KRT36: variants seen among roughly 807,000 people sequenced by gnomAD.
The protein encoded by KRT36 is keratin 36, also known as keratin, type I cuticular Ha6.
Under a neutral mutation model 43.0 loss-of-function variants are expected in KRT36, and 41 were observed. The ratio of observed to expected loss-of-function variants is 0.95; its 90% CI spans 0.74 to 1.24. The LOEUF is 1.24. Among genes scored for constraint, KRT36 ranks in the 50% most tolerant of loss-of-function variants. KRT36 has a pLI of 0.00. For synonymous variants in KRT36, 277 were observed against 252.9 expected (o/e 1.10, Z -0.90); for missense variants, 627 against 595.3 (o/e 1.05, Z -0.55).
rs1450035482 is a variant in KRT36, at chr17:41,489,451, T to C, written c.414A>G (p.Pro138=). The change falls in exon 1 of 7, where the codon CCA becomes CCG. Residue 138 remains proline (P), a synonymous_variant. Coordinates refer to ENST00000328119, the MANE Select transcript of KRT36 (RefSeq NM_003771.5). ...TGGTCTTGAAGTAGGACTGGTAGTC[T>C]GGGCAGATGTATGGGATCTGAAACT... ...WYEFQIPYIC[P]DYQSYFKTIE... is the part of the protein sequence containing the mutation. 1 of 1,614,122 alleles carries C rather than the reference T, an allele frequency of 6.2e-7. No homozygotes were observed. Among genetic ancestry groups the C allele is most frequent in the Admixed American group, 1.7e-5 (1 of 60,014 alleles).
chr17:41,487,963 A>G (rs1857711471), intron 3 of KRT36, among the ~76,000 whole-genome samples: 1 of 152,228 alleles, frequency 6.6e-6, no homozygotes, highest in African/African-American at 2.4e-5. Context: ...TGCTGTTATC[A>G]GGCACTAGAG....
At chr17:41,488,592 C>G (rs759438814) in intron 2 of KRT36, 50 bp downstream of exon 2, 2 of 1,578,980 alleles carry the variant, frequency 1.3e-6, no homozygotes, top group Admixed American at 1.7e-5. Flanking sequence ...AGGCAGGGGA[C>G]AGAGGCAAGG....
In KRT36 at chr17:41,488,298, G is replaced by A. The variant is rs770401755; in HGVS notation, c.644C>T (p.Ala215Val). The A allele has an allele frequency of 1.2e-6, 2 of 1,614,114 alleles. No homozygotes were observed. The highest frequency in any genetic ancestry group is 1.7e-6 in the Non-Finnish European group (2 of 1,179,986). ...CTCCTCCTTCAGGGACTCCACCTGA[G>A]CCTCCAGGTCAGCCTTGCACAGGGT... ...ELTLCKADLE[A>V]QVESLKEELM... Residue 215 changes from alanine (A) to valine (V), a missense_variant, in exon 3 of 7, where the codon GCT (alanine) becomes GTT (valine). By Grantham distance (64) the Ala-to-Val change is moderately conservative (BLOSUM62 0). Coordinates refer to ENST00000328119, the MANE Select transcript of KRT36 (RefSeq NM_003771.5).
chr17:41,488,554 G>A (rs1904470886), intron 2 of KRT36, 88 bp downstream of exon 2: 3 of 1,520,886 alleles, frequency 2.0e-6, no homozygotes, highest in South Asian at 1.1e-5. Flanking sequence ...TTCCCATCCA[G>A]CCTTATTCCC....
In KRT36 at chr17:41,489,887, A is replaced by C. The variant is rs1438073609; in HGVS notation, c.-23T>G. The C allele has an allele frequency of 6.3e-7, 1 of 1,593,156 alleles. No homozygotes were observed. The highest frequency in any genetic ancestry group is 8.6e-7 in the Non-Finnish European group (1 of 1,164,342). On this transcript the variant is annotated 5_prime_UTR_variant, in exon 1 of 7. Transcript: ENST00000328119. ...CATGGTGCTAGCAGAGGAAGGTTGCAGCTTAGCAAGGAGCTCAGGTTCTGG... is the reference window on the plus strand; with the variant it reads ...CATGGTGCTAGCAGAGGAAGGTTGCCGCTTAGCAAGGAGCTCAGGTTCTGG...
In KRT36 at chr17:41,487,420, C is replaced by G; in HGVS notation, c.918G>C (p.Gln306His). 1 of 1,614,060 alleles carries G rather than the reference C, an allele frequency of 6.2e-7. No homozygotes were observed. ...VSSSEQLQCC[Q>H]TEIIELRRTV... ...TACGTCTCAGCTCGATGATCTCCGT[C>G]TGGCAGCACTGCAGCTGCTCCGAGC... The change falls in exon 5 of 7, where the codon CAG becomes CAC. Residue 306 changes from glutamine (Q) to histidine (H), a missense_variant. Coordinates refer to ENST00000328119, the MANE Select transcript of KRT36 (RefSeq NM_003771.5).
rs1271466993 is a variant in KRT36, at chr17:41,489,750, C to T, written c.115G>A (p.Val39Ile). 3.7e-6 allele frequency: 6 copies of T among 1,613,878 alleles called. No homozygotes were observed. Among genetic ancestry groups the T allele is most frequent in the Non-Finnish European group, 5.1e-6 (6 of 1,179,986 alleles). Residue 39 changes from valine to isoleucine, a missense_variant, in exon 1 of 7, where the codon GTC becomes ATC. Val to Ile is a conservative substitution (Grantham distance 29, BLOSUM62 3). Coordinates refer to ENST00000328119, the MANE Select transcript of KRT36 (RefSeq NM_003771.5). ...SSIRSVGSCR[V>I]PSLAGAAGYI... Reference sequence around the variant, plus strand: ...CCTGCAGCACCGGCGAGACTGGGGACCCTGCAGGAGCCCACAGAACGGATG... The same window carrying T: ...CCTGCAGCACCGGCGAGACTGGGGATCCTGCAGGAGCCCACAGAACGGATG...
rs1186544361 is a variant in KRT36 at position 41,486,260 on chromosome 17, CT to C, written c.*115del. On this transcript the variant is annotated 3_prime_UTR_variant, in exon 7 of 7. Coordinates refer to ENST00000328119, the MANE Select transcript of KRT36 (RefSeq NM_003771.5). ...ACGGGGAGTGTTTTGGTAGAAAAAC[CT>C]GCTAAGCGTAGGGGGACCCCTCTAG... 13 of 750,478 alleles carry C rather than the reference CT, an allele frequency of 1.7e-5. No homozygotes were observed. The highest frequency in any genetic ancestry group is 1.9e-5 in the Non-Finnish European group (9 of 469,878). The allele number at this position is 750,478 out of a possible 1,614,324, so 46.5% of individuals were successfully genotyped here. A position where few individuals can be genotyped will look rare whatever the true frequency, so the allele number is the denominator to read the frequency against.
intron 3 of KRT36, 35 bp downstream of exon 3, chr17:41,488,208 G>T: frequency 6.3e-7 from 1 of 1,599,808 alleles, no homozygotes; most frequent in Non-Finnish European, 8.5e-7. Flanking sequence ...AAGCTGGATG[G>T]GAAACACTGG....
Position 41,486,382 on chromosome 17 carries a change from C to G in KRT36, c.1398G>C (p.Pro466=), listed in dbSNP as rs1567708704. Residue 466 remains proline, a synonymous_variant, in exon 7 of 7, where the codon CCG becomes CCC. Coordinates refer to ENST00000328119, the MANE Select transcript of KRT36 (RefSeq NM_003771.5). ...ISSREHVQSR[P]L ...TGGTGGACCAAGTGGGCTGTCACAG[C>G]GGGCGGGACTGCACGTGCTCCCTGG... 1.9e-6 allele frequency: 3 copies of G among 1,613,316 alleles called. No homozygotes were observed. Among genetic ancestry groups the G allele is most frequent in the Non-Finnish European group, 2.5e-6 (3 of 1,179,740 alleles).
intron 5 of KRT36, 87 bp from the exon 6 acceptor site, chr17:41,487,257 T>G (rs561035510): frequency 6.3e-7 from 1 of 1,576,118 alleles, no homozygotes; most frequent in South Asian, 1.2e-5. Context: ...GCCTACGGCC[T>G]GTGATCACAC....
chr17:41,489,831 TGGA>T lies in KRT36; in HGVS notation c.31_33del (p.Ser11del). On this transcript the variant is annotated inframe_deletion, in exon 1 of 7. Transcript: ENST00000328119. ...CCACAGAGGCCCTTGATAGACCCAG[TGGA>T]GAAGGTAGGGGTGCAGGTCTGGGTG... 1.2e-6 allele frequency: 2 copies of T among 1,612,716 alleles called. No individual in the cohort carries two copies. Among genetic ancestry groups the T allele is most frequent in the Non-Finnish European group, 1.7e-6 (2 of 1,179,722 alleles).
At position 41,486,382 on chromosome 17, in the gene KRT36, C is replaced by A; in HGVS notation, c.1398G>T (p.Pro466=). The change falls in exon 7 of 7, where the codon CCG becomes CCT. Residue 466 remains proline (P), a synonymous_variant. Coordinates refer to ENST00000328119, the MANE Select transcript of KRT36 (RefSeq NM_003771.5). ...TGGTGGACCAAGTGGGCTGTCACAG[C>A]GGGCGGGACTGCACGTGCTCCCTGG... ...ISSREHVQSR[P]L is the part of the protein sequence containing the mutation. 6.2e-7 allele frequency: 1 copy of A among 1,613,432 alleles called. No individual in the cohort carries two copies. The highest frequency in any genetic ancestry group is 8.5e-7 in the Non-Finnish European group (1 of 1,179,732).
chr17:41,487,268 C>T lies in KRT36; in HGVS notation c.987+83G>A, dbSNP rs1904416039. 3 of 1,577,994 alleles carry T rather than the reference C, an allele frequency of 1.9e-6. No homozygotes were observed. The Admixed American group carries it at 5.2e-5, about 27-fold the overall frequency. On this transcript the variant is annotated intron_variant, in intron 5 of 6. Transcript: ENST00000328119. Reference sequence around the variant, plus strand: ...ATCTGCCTACGGCCTGTGATCACACCCCATGAGAGCCTGCACGCTGAGGCT... The same window carrying T: ...ATCTGCCTACGGCCTGTGATCACACTCCATGAGAGCCTGCACGCTGAGGCT...
In KRT36 at chr17:41,486,229, C is replaced by T. The variant is rs1178478963; in HGVS notation, c.*147G>A. 2 of 620,444 alleles carry T rather than the reference C, an allele frequency of 3.2e-6. No homozygotes were observed. Among genetic ancestry groups the T allele is most frequent in the Non-Finnish European group, 5.5e-6 (2 of 362,334 alleles). 38.4% of individuals were successfully genotyped at this position (620,444 alleles called of 1,614,324 possible). On this transcript the variant is annotated 3_prime_UTR_variant, in exon 7 of 7. Transcript: ENST00000328119. ...GTAAAAGCACAGTTAAGTCCGGAAACACAATACGGGGAGTGTTTTGGTAGA... is the reference window on the plus strand; with the variant it reads ...GTAAAAGCACAGTTAAGTCCGGAAATACAATACGGGGAGTGTTTTGGTAGA...
Position 41,489,778 on chromosome 17 carries a change from G to C in KRT36, c.87C>G (p.Ser29=). Residue 29 remains serine, a synonymous_variant, in exon 1 of 7, where the codon TCC becomes TCG. Transcript: ENST00000328119. The part of the protein sequence containing the change: ...CGTAGGISRV[S]SIRSVGSCRV... The stretch of plus-strand genomic sequence containing the variant: ...TGCAGGAGCCCACAGAACGGATGGA[G>C]GACACCCGAGAGATGCCGCCTGCTG... The C allele has an allele frequency of 6.2e-7, 1 of 1,613,864 alleles. No individual in the cohort carries two copies. Among genetic ancestry groups the C allele is most frequent in the Non-Finnish European group, 8.5e-7 (1 of 1,179,970 alleles).
Position 41,486,511 on chromosome 17 carries a change from G to A in KRT36, c.1269C>T (p.Pro423=). 6.2e-7 allele frequency: 1 copy of A among 1,609,276 alleles called. No homozygotes were observed. The highest frequency in any genetic ancestry group is 8.5e-7 in the Non-Finnish European group (1 of 1,178,148). The change falls in exon 7 of 7, where the codon CCC becomes CCT. Residue 423 remains proline (P), a synonymous_variant. Coordinates refer to ENST00000328119, the MANE Select transcript of KRT36 (RefSeq NM_003771.5). ...CKPVIRVPSV[P]PVPCVPSVPC... is the part of the protein sequence containing the mutation. ...GCACAGAGGGGACACAGGGCACCGGGGGGACAGAAGGAACTCTAATAACAG... is the reference window on the plus strand; with the variant it reads ...GCACAGAGGGGACACAGGGCACCGGAGGGACAGAAGGAACTCTAATAACAG...
intron 5 of KRT36, 52 bp downstream of exon 5, chr17:41,487,299 G>C (rs377499729): frequency 1.3e-6 from 2 of 1,588,410 alleles, no homozygotes; most frequent in Non-Finnish European, 8.6e-7. Flanking sequence ...AGGCTGGTGC[G>C]TCGGGGACCT....
rs1453641582 is a variant in KRT36 at position 41,486,297 on chromosome 17, G to C, written c.*79C>G. 1.4e-5 allele frequency: 17 copies of C among 1,227,798 alleles called. No individual in the cohort carries two copies. The highest frequency in any genetic ancestry group is 2.0e-5 in the Admixed American group (1 of 51,054). The allele number at this position is 1,227,798 out of a possible 1,614,324, so 76.1% of individuals were successfully genotyped here. Reference sequence around the variant, plus strand: ...GGGGGACCCCTCTAGAGAAGGGCAGGGTCGTTAAGCCTCCAGGAGCCACAG... The same window carrying C: ...GGGGGACCCCTCTAGAGAAGGGCAGCGTCGTTAAGCCTCCAGGAGCCACAG... On this transcript the variant is annotated 3_prime_UTR_variant, in exon 7 of 7. Coordinates refer to ENST00000328119, the MANE Select transcript of KRT36 (RefSeq NM_003771.5).
Sources: gnomAD v4.1 joint callset for allele counts (sites outside exome capture counted in the v4.1 genomes callset) on GRCh38, gnomAD v4.1.1 for gene constraint, MANE v1.5 for transcripts, NCBI Gene and HGNC (gene_info 2026-07-23, HGNC 2026-07-21) for gene names.